The following ADGRG7 variants were observed in gnomAD, a reference collection of about 807,000 sequenced individuals.
The protein encoded by ADGRG7 is G-protein coupled receptor 128.
Under a neutral mutation model 88.6 loss-of-function variants are expected in ADGRG7, and 82 were observed. That is an observed-to-expected ratio of 0.93 (90% confidence interval 0.77 to 1.11). ADGRG7 has a LOEUF of 1.11. ADGRG7 is among the 50% of genes most tolerant of loss of function. The pLI is 0.00. For synonymous variants in ADGRG7, 381 were observed against 345.2 expected (o/e 1.10, Z -1.15); for missense variants, 945 against 953.4 (o/e 0.99, Z 0.12).
At chr3:100,631,943 A>G (rs1215261266) in intron 3 of ADGRG7, among the ~76,000 whole-genome samples, 2 of 152,096 alleles carry the variant, frequency 1.3e-5, no homozygotes, top group Non-Finnish European at 2.9e-5. Flanking sequence ...ATGCTACTCT[A>G]TCTATAAGTC....
intron 15 of ADGRG7, among the ~76,000 whole-genome samples, chr3:100,677,254 T>A (rs1028592443): frequency 2.0e-5 from 3 of 152,130 alleles, no homozygotes; most frequent in African/African-American, 7.2e-5. Context: ...TGTTTTTTGA[T>A]TTGAGGTTAC....
intron 15 of ADGRG7, among the ~76,000 whole-genome samples, chr3:100,676,822 C>A (rs2094966058): frequency 6.6e-6 from 1 of 152,058 alleles, no homozygotes; most frequent in African/African-American, 2.4e-5. Flanking sequence ...GTTATATCCT[C>A]TTGCTGAATT....
chr3:100,628,444 C>T (rs1486431307), intron 1 of ADGRG7, among the ~76,000 whole-genome samples: 4 of 151,806 alleles, frequency 2.6e-5, no homozygotes, highest in African/African-American at 4.8e-5. Context: ...CTGCAACCTC[C>T]GCCTCCCAGG....
chr3:100,629,336 T>G (rs906436688), intron 1 of ADGRG7, among the ~76,000 whole-genome samples: 1 of 152,002 alleles, frequency 6.6e-6, no homozygotes, highest in African/African-American at 2.4e-5. Context: ...AATTTCTGAT[T>G]TCTCAGGGGA....
chr3:100,621,183 C>T (rs1024716946), intron 1 of ADGRG7, among the ~76,000 whole-genome samples: 5 of 152,076 alleles, frequency 3.3e-5, no homozygotes, highest in African/African-American at 4.8e-5. Flanking sequence ...GACACAACAT[C>T]GTTGAAATTA....
chr3:100,617,059 G>A (rs1250296032), intron 1 of ADGRG7, among the ~76,000 whole-genome samples: 1 of 151,954 alleles, frequency 6.6e-6, no homozygotes, highest in Non-Finnish European at 1.5e-5. Context: ...TAACTAAAAA[G>A]TTTTCTTGAT....
At chr3:100,650,745 G>A (rs1313125449) in intron 11 of ADGRG7, among the ~76,000 whole-genome samples, 2 of 152,036 alleles carry the variant, frequency 1.3e-5, no homozygotes, top group Non-Finnish European at 2.9e-5. Context: ...TAGATGACTC[G>A]TGGGGTGCCA....
At position 100,659,680 on chromosome 3, in the gene ADGRG7, CT is replaced by C; in HGVS notation, c.1824-7del. On this transcript the variant is annotated splice_region_variant and splice_polypyrimidine_tract_variant and intron_variant, in intron 13 of 15. Transcript: ENST00000273352. ...GTCTGCTGAAGCAATTTTTTTTTTC[CT>C]CCACAGCTGCTGGCTGGCAATTCCA... 6.3e-7 allele frequency: 1 copy of C among 1,597,820 alleles called. No individual in the cohort carries two copies. Among genetic ancestry groups the C allele is most frequent in the Non-Finnish European group, 8.5e-7 (1 of 1,174,940 alleles).
intron 14 of ADGRG7, among the ~76,000 whole-genome samples, chr3:100,666,490 A>T (rs1272465272): frequency 6.6e-6 from 1 of 152,256 alleles, no homozygotes; most frequent in Non-Finnish European, 1.5e-5. Context: ...ATGCTTTACG[A>T]AGCAGTATTG....
intron 9 of ADGRG7, 25 bp downstream of exon 9, chr3:100,646,133 GA>G: frequency 7.3e-7 from 1 of 1,369,334 alleles, no homozygotes; most frequent in South Asian, 1.2e-5. Context: ...GCAGATGCAA[GA>G]AAAAAGTGTC....
At chr3:100,691,005 G>T (rs1353686265) in intron 15 of ADGRG7, among the ~76,000 whole-genome samples, 2 of 152,226 alleles carry the variant, frequency 1.3e-5, no homozygotes, top group Admixed American at 6.5e-5. Flanking sequence ...GCTGTGGTGG[G>T]CTCCACCTAG....
At chr3:100,633,864 G>T (rs1237986481) in intron 4 of ADGRG7, among the ~76,000 whole-genome samples, 1 of 152,060 alleles carries the variant, frequency 6.6e-6, no homozygotes, top group Admixed American at 6.6e-5. Context: ...ATCAGTTTGT[G>T]AAAAAGGACT....
At chr3:100,691,241 G>T (rs1447913405) in intron 15 of ADGRG7, among the ~76,000 whole-genome samples, 1 of 152,194 alleles carries the variant, frequency 6.6e-6, no homozygotes, top group South Asian at 2.1e-4. Context: ...GGAGTGACCC[G>T]ATTTTCCAGG....
chr3:100,662,064 A>G (rs2094946256), intron 14 of ADGRG7, among the ~76,000 whole-genome samples: 1 of 152,196 alleles, frequency 6.6e-6, no homozygotes, highest in African/African-American at 2.4e-5. Flanking sequence ...GAAAATATCT[A>G]TTCATCACTA....
chr3:100,619,043 C>T (rs1182321052), intron 1 of ADGRG7, among the ~76,000 whole-genome samples: 2 of 152,248 alleles, frequency 1.3e-5, no homozygotes, highest in South Asian at 2.1e-4. Flanking sequence ...TATAAGAATG[C>T]TTGTGATTTT....
chr3:100,649,796 G>T lies in ADGRG7; in HGVS notation c.1368G>T (p.Gln456His), dbSNP rs768935309. Residue 456 changes from glutamine to histidine, a missense_variant, in exon 11 of 16, where the codon CAG becomes CAT. By Grantham distance (24) the Gln-to-His change is conservative. Transcript: ENST00000273352. ...GTCTGGCTCTCACAGTTATATTTCA[G>T]ATTGTCACCAGGTAAGAGCAGAAGC... is the stretch of plus-strand genomic sequence containing the variant. ...VTGLALTVIF[Q>H]IVTRKVRKTS... 1 of 1,588,448 alleles carries T rather than the reference G, an allele frequency of 6.3e-7. No individual in the cohort carries two copies. Among genetic ancestry groups the T allele is most frequent in the East Asian group, 2.2e-5 (1 of 44,658 alleles).
Position 100,659,789 on chromosome 3 carries a change from T to G in ADGRG7, c.1925T>G (p.Met642Arg), listed in dbSNP as rs373950989. The change falls in exon 14 of 16, where the codon ATG becomes AGG. Residue 642 changes from methionine to arginine, a missense_variant. Transcript: ENST00000273352. ...VTIILISNVV[M>R]FITISIKVLW... ...ATTATCCTCATCAGCAATGTTGTTA[T>G]GTTTATTACAATCTCGATCAAAGTG... The G allele has an allele frequency of 5.0e-6, 8 of 1,614,010 alleles. No individual in the cohort carries two copies. Among genetic ancestry groups the G allele is most frequent in the African/African-American group, 4.0e-5 (3 of 74,936 alleles).
chr3:100,629,690 A>G lies in ADGRG7; in HGVS notation c.208A>G (p.Lys70Glu). The change falls in exon 2 of 16, where the codon AAA becomes GAA. Residue 70 changes from lysine (K) to glutamate (E), a missense_variant. Transcript: ENST00000273352. ...CAGATGTATTTGTACAGAAGAGTGGAAAGGACTGAGATGTACAATTGGTAA... is the reference window on the plus strand; with the variant it reads ...CAGATGTATTTGTACAGAAGAGTGGGAAGGACTGAGATGTACAATTGGTAA... ...NGRCICTEEW[K>E]GLRCTIANFC... The G allele has an allele frequency of 6.2e-7, 1 of 1,611,240 alleles. No individual in the cohort carries two copies. The highest frequency in any genetic ancestry group is 2.2e-5 in the East Asian group (1 of 44,820).
At chr3:100,623,873 C>G (rs1043795352) in intron 1 of ADGRG7, among the ~76,000 whole-genome samples, 2 of 152,176 alleles carry the variant, frequency 1.3e-5, no homozygotes, top group Non-Finnish European at 2.9e-5. Context: ...CTGCAATGGA[C>G]AGTATCTCAT....
Sources: allele counts gnomAD v4.1 joint callset (sites outside exome capture counted in the v4.1 genomes callset), GRCh38; gene constraint gnomAD v4.1.1; transcripts MANE v1.5; gene names NCBI Gene and HGNC (gene_info 2026-07-23, HGNC 2026-07-21).